The following CAPZB variants were observed in gnomAD, a reference collection of about 807,000 sequenced individuals.
CAPZB encodes F-actin-capping protein subunit beta.
In CAPZB, 2 loss-of-function variants were observed where a neutral mutation model predicts 38.1. The observed-to-expected ratio is 0.05, with a 90% CI of 0.02 to 0.17. The LOEUF is 0.17. Ranked by LOEUF, CAPZB falls within the 10% of genes least tolerant of loss-of-function variation. The pLI is 1.00. For synonymous variants in CAPZB, 107 were observed against 127.4 expected, an observed-to-expected ratio of 0.84 and a Z score of 1.08; for missense variants, 161 against 334.2, an observed-to-expected ratio of 0.48 and a Z score of 4.04.
At chr1:19,404,203 A>G (rs2094318091) in intron 2 of CAPZB, among the ~76,000 whole-genome samples, 1 of 135,974 alleles carries the variant, frequency 7.4e-6, no homozygotes, top group Non-Finnish European at 1.5e-5. Context: ...ACTGCACTCC[A>G]GCCTGGGAGA....
At chr1:19,459,473 TG>T (rs1262038575) in intron 1 of CAPZB, among the ~76,000 whole-genome samples, 1 of 152,174 alleles carries the variant, frequency 6.6e-6, no homozygotes, top group African/African-American at 2.4e-5. Flanking sequence ...CTGCTTTGAT[TG>T]ATTTTTTTAA....
chr1:19,476,211 GA>G (rs2094606260), intron 1 of CAPZB, among the ~76,000 whole-genome samples: 1 of 129,036 alleles, frequency 7.7e-6, no homozygotes, highest in South Asian at 2.7e-4. Context: ...TAGATAGATA[GA>G]TAGATAGATA....
intron 1 of CAPZB, among the ~76,000 whole-genome samples, chr1:19,440,806 A>G (rs1294380289): frequency 6.6e-6 from 1 of 152,230 alleles, no homozygotes; most frequent in Non-Finnish European, 1.5e-5. Context: ...CACGCCTGTA[A>G]TCCCAGCACT....
At chr1:19,351,502 G>A (rs214335) in intron 6 of CAPZB, among the ~76,000 whole-genome samples, 88,672 of 151,826 alleles carry the variant, frequency 0.58, 26,384 homozygotes, top group African/African-American at 0.68. Context: ...GTGAAGGGGT[G>A]GGGGGCAGTG....
At chr1:19,420,057 T>C in intron 1 of CAPZB, 1 of 315,254 alleles carries the variant, frequency 3.2e-6, no homozygotes, top group Non-Finnish European at 5.9e-6. Context: ...CAGGCCCTGG[T>C]GGCTGCAGAT....
At chr1:19,436,749 G>A (rs2094459451) in intron 1 of CAPZB, among the ~76,000 whole-genome samples, 1 of 152,192 alleles carries the variant, frequency 6.6e-6, no homozygotes, top group African/African-American at 2.4e-5. Flanking sequence ...TCAGCATCTG[G>A]CACATACCTG....
At chr1:19,400,471 G>A (rs1415147834) in intron 2 of CAPZB, among the ~76,000 whole-genome samples, 1 of 152,194 alleles carries the variant, frequency 6.6e-6, no homozygotes, top group Non-Finnish European at 1.5e-5. Context: ...TAAGGGGGGC[G>A]ACCCAGGAAT....
intron 1 of CAPZB, among the ~76,000 whole-genome samples, chr1:19,439,730 G>A (rs531654309): frequency 1.3e-5 from 2 of 152,360 alleles, no homozygotes; most frequent in South Asian, 2.1e-4. Context: ...CAGCTCTGCT[G>A]TGTCCTGCAC....
intron 3 of CAPZB, among the ~76,000 whole-genome samples, chr1:19,379,103 T>C (rs575797716): frequency 1.5e-3 from 220 of 148,624 alleles, no homozygotes; most frequent in African/African-American, 5.2e-3. Flanking sequence ...TTTCTTTCTT[T>C]TTTTTTTTTT....
intron 3 of CAPZB, among the ~76,000 whole-genome samples, chr1:19,383,555 T>C (rs1315803336): frequency 1.3e-5 from 2 of 152,020 alleles, no homozygotes; most frequent in African/African-American, 4.8e-5. Context: ...CAGAGCAAGA[T>C]GCTCCCAAGG....
At chr1:19,424,023 G>A (rs910570448) in intron 1 of CAPZB, among the ~76,000 whole-genome samples, 14 of 152,106 alleles carry the variant, frequency 9.2e-5, no homozygotes, top group Non-Finnish European at 1.8e-4. Context: ...TGTTGCCCAG[G>A]CTGGTCTCAA....
intron 2 of CAPZB, among the ~76,000 whole-genome samples, chr1:19,416,489 A>C (rs1308348717): frequency 2.0e-5 from 3 of 152,120 alleles, no homozygotes; most frequent in Non-Finnish European, 4.4e-5. Context: ...ACAATAAACA[A>C]CACAAACAGA....
intron 1 of CAPZB, chr1:19,449,161 G>A (rs576673036): frequency 4.5e-6 from 6 of 1,322,284 alleles, no homozygotes; most frequent in Admixed American, 3.1e-5. Context: ...GGCTGATAAC[G>A]CACAAAGTGC....
At chr1:19,460,522 G>A (rs191421326) in intron 1 of CAPZB, among the ~76,000 whole-genome samples, 1,507 of 149,498 alleles carry the variant, frequency 0.01, 9 homozygotes, top group Non-Finnish European at 0.015. Context: ...TGATCCACCT[G>A]CCTCGGCCTC....
chr1:19,466,852 T>C (rs577223707), intron 1 of CAPZB, among the ~76,000 whole-genome samples: 2 of 152,200 alleles, frequency 1.3e-5, no homozygotes, highest in Non-Finnish European at 2.9e-5. Flanking sequence ...ATTTTGTAGA[T>C]GTTTCTGCTT....
chr1:19,343,916 G>C (rs2093946638), intron 8 of CAPZB, among the ~76,000 whole-genome samples: 1 of 152,224 alleles, frequency 6.6e-6, no homozygotes, highest in African/African-American at 2.4e-5. Context: ...CTGGGGGCCT[G>C]AGAAGGCCCG....
chr1:19,392,952 G>A (rs529983221), intron 2 of CAPZB, among the ~76,000 whole-genome samples: 2 of 152,320 alleles, frequency 1.3e-5, no homozygotes, highest in South Asian at 4.1e-4. Context: ...TCCCTTCAGT[G>A]GGGCTCCCTT....
chr1:19,482,081 C>T lies in CAPZB; in HGVS notation c.3+3355G>A, dbSNP rs149580424. ...GGAGGGAGGGCAGGCTTCTAACGGGCGAGGCACCTGCCCTGCCACCATTTC... is the reference window on the plus strand; with the variant it reads ...GGAGGGAGGGCAGGCTTCTAACGGGTGAGGCACCTGCCCTGCCACCATTTC... On this transcript the variant is annotated intron_variant, in intron 1 of 8. Transcript: ENST00000264202. Among the ~76,000 whole-genome samples the T allele has an allele frequency of 9.4e-4, 143 of 152,304 alleles. 1 individual carries two copies. The highest frequency in any genetic ancestry group is 2.7e-3 in the Admixed American group (42 of 15,300).
intron 2 of CAPZB, among the ~76,000 whole-genome samples, chr1:19,411,428 T>G (rs1558237952): frequency 6.6e-6 from 1 of 152,146 alleles, no homozygotes; most frequent in Non-Finnish European, 1.5e-5. Flanking sequence ...TTTGGAGAAA[T>G]TCAAGCCCCT....
Sources: allele counts gnomAD v4.1 joint callset (sites outside exome capture counted in the v4.1 genomes callset), GRCh38; gene constraint gnomAD v4.1.1; transcripts MANE v1.5; gene names NCBI Gene and HGNC (gene_info 2026-07-23, HGNC 2026-07-21).